CNTNAP4: variants seen among roughly 807,000 people sequenced by gnomAD.
CNTNAP4 encodes the protein contactin-associated protein-like 4.
In CNTNAP4, 98 loss-of-function variants were observed where a neutral mutation model predicts 148.4. The ratio of observed to expected loss-of-function variants is 0.66; its 90% CI spans 0.56 to 0.78. The LOEUF (loss-of-function observed/expected upper bound fraction) is 0.78. CNTNAP4 is among the 30% of genes least tolerant of loss of function. CNTNAP4 has a pLI of 0.00. For synonymous variants in CNTNAP4, 730 were observed against 565.1 expected (o/e 1.29, Z -4.14); for missense variants, 1,935 against 1,565.6 (o/e 1.24, Z -3.98).
At chr16:76,391,231 G>A (rs887227781) in intron 3 of CNTNAP4, among the ~76,000 whole-genome samples, 7 of 152,100 alleles carry the variant, frequency 4.6e-5, no homozygotes, top group South Asian at 4.2e-4. Context: ...GATTTCTCCC[G>A]CTCCTTTGCA....
intron 1 of CNTNAP4, 32 bp downstream of exon 1, chr16:76,277,779 T>TG: frequency 1.5e-6 from 2 of 1,339,794 alleles, no homozygotes; most frequent in Non-Finnish European, 2.1e-6. Context: ...TAAAACTTGC[T>TG]GGGGGGCTCT....
chr16:76,492,973 C>G (rs908872581), intron 13 of CNTNAP4, among the ~76,000 whole-genome samples: 6 of 150,810 alleles, frequency 4.0e-5, no homozygotes, highest in Admixed American at 2.6e-4. Flanking sequence ...TAATGCTTCC[C>G]TGGTCTTTCA....
chr16:76,451,122 T>C (rs937776911), intron 7 of CNTNAP4, among the ~76,000 whole-genome samples: 1 of 152,092 alleles, frequency 6.6e-6, no homozygotes, highest in Non-Finnish European at 1.5e-5. Context: ...GAAGAAGAGA[T>C]GGGCCATAGT....
chr16:76,333,853 A>G (rs1263700211), intron 2 of CNTNAP4, among the ~76,000 whole-genome samples: 4 of 132,158 alleles, frequency 3.0e-5, no homozygotes, highest in Non-Finnish European at 6.2e-5. Flanking sequence ...ACAATGGTTG[A>G]ACTAGTTTAC....
At chr16:76,350,496 C>G (rs1452698618) in intron 2 of CNTNAP4, among the ~76,000 whole-genome samples, 1 of 152,112 alleles carries the variant, frequency 6.6e-6, no homozygotes, top group Non-Finnish European at 1.5e-5. Context: ...CAATTCATAG[C>G]AACACATGTT....
At chr16:76,296,796 T>C (rs560215527) in intron 1 of CNTNAP4, among the ~76,000 whole-genome samples, 2 of 152,318 alleles carry the variant, frequency 1.3e-5, no homozygotes, top group South Asian at 4.1e-4. Context: ...ATTGAATTAT[T>C]GACCATATTT....
chr16:76,311,482 G>A (rs560542731), intron 1 of CNTNAP4, among the ~76,000 whole-genome samples: 9 of 152,210 alleles, frequency 5.9e-5, no homozygotes, highest in Admixed American at 2.6e-4. Flanking sequence ...TTTTTCTAAT[G>A]TGGATATTTA....
rs1417736655 is a variant in CNTNAP4 at position 76,427,558 on chromosome 16, G to C, written c.497G>C (p.Gly166Ala). The C allele has an allele frequency of 3.1e-6, 5 of 1,612,870 alleles. No individual in the cohort carries two copies. The highest frequency in any genetic ancestry group is 4.5e-5 in the East Asian group (2 of 44,844). Residue 166 changes from glycine (G) to alanine (A), a missense_variant, in exon 4 of 24, where the codon GGC (glycine) becomes GCC (alanine). Transcript: ENST00000611870. ...RFIPLEWNPK[G>A]RIGMRIEVFG... ...ATCCCTTTGGAATGGAACCCCAAGG[G>C]CAGAATTGGAATGCGAATCGAAGTG...
At chr16:76,475,853 G>T in intron 10 of CNTNAP4, 86 bp from the exon 11 acceptor site, 1 of 849,984 alleles carries the variant, frequency 1.2e-6, no homozygotes, top group Non-Finnish European at 1.9e-6. Flanking sequence ...GTTGACATCT[G>T]TCTTTCTCAT....
chr16:76,462,297 T>A (rs2081005404), intron 9 of CNTNAP4, among the ~76,000 whole-genome samples, 192 bp downstream of exon 9: 1 of 152,156 alleles, frequency 6.6e-6, no homozygotes, highest in African/African-American at 2.4e-5. Flanking sequence ...CAAGGTGGAC[T>A]TACTTCTGTT....
chr16:76,305,967 G>A (rs1053502533), intron 1 of CNTNAP4, among the ~76,000 whole-genome samples: 2 of 152,168 alleles, frequency 1.3e-5, no homozygotes, highest in South Asian at 2.1e-4. Context: ...AGCTTCATCT[G>A]TGTTGCTGTG....
intron 2 of CNTNAP4, among the ~76,000 whole-genome samples, chr16:76,347,651 T>C (rs994248836): frequency 1.3e-5 from 2 of 152,188 alleles, no homozygotes; most frequent in African/African-American, 4.8e-5. Flanking sequence ...AAGAGACTTA[T>C]AGGCAGCAAA....
chr16:76,429,583 A>G (rs984572006), intron 4 of CNTNAP4, among the ~76,000 whole-genome samples: 1 of 152,156 alleles, frequency 6.6e-6, no homozygotes, highest in African/African-American at 2.4e-5. Context: ...CAAATTTAAC[A>G]TTAAGAGCAA....
At chr16:76,533,665 T>C (rs1246326113) in intron 17 of CNTNAP4, among the ~76,000 whole-genome samples, 1 of 128,844 alleles carries the variant, frequency 7.8e-6, no homozygotes, top group African/African-American at 2.8e-5. Context: ...TGGGCACCCA[T>C]ATTAAAAATC....
chr16:76,390,319 A>G (rs1359195897), intron 3 of CNTNAP4, among the ~76,000 whole-genome samples: 2 of 152,210 alleles, frequency 1.3e-5, no homozygotes, highest in Non-Finnish European at 2.9e-5. Context: ...TATCTATTGT[A>G]GCTAATCTGG....
chr16:76,374,487 A>G (rs1296204779), intron 3 of CNTNAP4, among the ~76,000 whole-genome samples: 2 of 152,142 alleles, frequency 1.3e-5, no homozygotes, highest in Non-Finnish European at 2.9e-5. Context: ...TTAAACTCAC[A>G]GGGAACTGTG....
intron 19 of CNTNAP4, among the ~76,000 whole-genome samples, chr16:76,538,972 A>C (rs1321832738): frequency 6.6e-6 from 1 of 152,098 alleles, no homozygotes; most frequent in African/African-American, 2.4e-5. Flanking sequence ...GCAAACATAC[A>C]AACATGTGAC....
At chr16:76,460,149 C>G (rs1027445565) in intron 8 of CNTNAP4, among the ~76,000 whole-genome samples, 2 of 151,700 alleles carry the variant, frequency 1.3e-5, no homozygotes, top group Non-Finnish European at 2.9e-5. Flanking sequence ...CTCTTGTTGC[C>G]CAGGCTGGAG....
At chr16:76,517,241 G>C (rs371769370) in intron 15 of CNTNAP4, among the ~76,000 whole-genome samples, 1 of 152,220 alleles carries the variant, frequency 6.6e-6, no homozygotes, top group East Asian at 1.9e-4. Flanking sequence ...TTAGCTGTGC[G>C]CGGGAAGGAT....
Sources: gnomAD v4.1 joint callset for allele counts (sites outside exome capture counted in the v4.1 genomes callset) on GRCh38, gnomAD v4.1.1 for gene constraint, MANE v1.5 for transcripts, NCBI Gene and HGNC (gene_info 2026-07-23, HGNC 2026-07-21) for gene names.